STOML3: variants seen among roughly 807,000 people sequenced by gnomAD.
The protein encoded by STOML3 is stomatin like 3.
A neutral mutation model predicts 29.5 loss-of-function variants in STOML3; 31 were observed. The ratio of observed to expected loss-of-function variants is 1.05; its 90% CI spans 0.79 to 1.42. The LOEUF is 1.42. Ranked by LOEUF, STOML3 falls within the 40% of genes most tolerant of loss-of-function variation. The pLI is 0.00. For synonymous variants in STOML3, 122 were observed against 139.8 expected, an observed-to-expected ratio of 0.87 and a Z score of 0.90; for missense variants, 380 against 363.0, an observed-to-expected ratio of 1.05 and a Z score of -0.38.
chr13:38,976,899 A>T (rs1451506455), intron 1 of STOML3, 102 bp from the exon 2 acceptor site: 4 of 916,946 alleles, frequency 4.4e-6, no homozygotes, highest in Non-Finnish European at 7.0e-6. Flanking sequence ...GCCAAGCCTG[A>T]TGTGGCTGCA....
At chr13:38,977,750 ATTTTTTTT>A (rs397851686) in intron 1 of STOML3, among the ~76,000 whole-genome samples, 25 of 84,234 alleles carry the variant, frequency 3.0e-4, no homozygotes, top group Non-Finnish European at 5.3e-4. Flanking sequence ...AAGTCTCCGG[ATTTTTTTT>A]TTTTTTTTTT....
At chr13:38,980,927 G>T (rs1881247955) in intron 1 of STOML3, among the ~76,000 whole-genome samples, 1 of 152,208 alleles carries the variant, frequency 6.6e-6, no homozygotes, top group African/African-American at 2.4e-5. Flanking sequence ...TAGGAAGTCT[G>T]CAGCTGGTGA....
At chr13:38,968,685 A>G (rs1028942153) in intron 5 of STOML3, 151 bp from the exon 6 acceptor site, 5 of 890,628 alleles carry the variant, frequency 5.6e-6, no homozygotes, top group African/African-American at 5.1e-5. Flanking sequence ...TAGGAAGAGA[A>G]TAAGAGTTAA....
chr13:38,989,671 A>AT (rs200652812), intron 1 of STOML3, among the ~76,000 whole-genome samples: 1,566 of 151,880 alleles, frequency 0.01, 28 homozygotes, highest in African/African-American at 0.036. Flanking sequence ...TAAATTTTGT[A>AT]TTTTTTGTAG....
Position 38,967,020 on chromosome 13 carries a change from AG to A in STOML3, c.680del (p.Ala227ValfsTer5), listed in dbSNP as rs1310204766. 1.9e-6 allele frequency: 3 copies of A among 1,614,082 alleles called. No individual in the cohort carries two copies. The South Asian group carries it at 3.3e-5, about 18-fold the overall frequency. On this transcript the variant is annotated frameshift_variant, in exon 7 of 7. Coordinates refer to ENST00000379631, the MANE Select transcript of STOML3 (RefSeq NM_145286.3). LOFTEE classifies it high-confidence loss of function. ...TGGAGGCTGACTTCAGGGATTTGGA[AG>A]CATTCATTTCTCCTTCAGCTGCAAG... ...KVLAAEGEMN[A>X]SKSLKSASMV...
intron 5 of STOML3, among the ~76,000 whole-genome samples, chr13:38,969,078 A>AGGACCC (rs1566202969): frequency 6.6e-6 from 1 of 152,172 alleles, no homozygotes; most frequent in Admixed American, 6.5e-5. Context: ...CAATGACTCA[A>AGGACCC]TGCATATTAT....
At chr13:38,969,915 G>A (rs553896051) in intron 5 of STOML3, among the ~76,000 whole-genome samples, 6 of 152,198 alleles carry the variant, frequency 3.9e-5, no homozygotes, top group East Asian at 1.9e-4. Context: ...CTTGTAAGAC[G>A]TTAATTCATA....
At chr13:38,972,454 C>T in intron 4 of STOML3, 58 bp downstream of exon 4, 1 of 1,528,586 alleles carries the variant, frequency 6.5e-7, no homozygotes, top group Non-Finnish European at 9.0e-7. Flanking sequence ...TGTAATTGTC[C>T]TTATAATAGA....
chr13:38,970,490 T>C (rs1384678637), intron 4 of STOML3, 102 bp from the exon 5 acceptor site: 3 of 922,202 alleles, frequency 3.3e-6, no homozygotes, highest in Non-Finnish European at 5.1e-6. Flanking sequence ...AGGAGAGCAG[T>C]AACGACAACT....
intron 3 of STOML3, 140 bp from the exon 4 acceptor site, chr13:38,972,734 G>A (rs1469183932): frequency 4.4e-6 from 3 of 681,050 alleles, no homozygotes; most frequent in Non-Finnish European, 7.3e-6. Context: ...GAAACTCTGA[G>A]GAAAATGATT....
chr13:38,985,765 A>G (rs1484085064), intron 1 of STOML3, among the ~76,000 whole-genome samples: 2 of 151,978 alleles, frequency 1.3e-5, no homozygotes, highest in African/African-American at 4.8e-5. Flanking sequence ...GTATGATGTT[A>G]GAAGAAACAA....
At chr13:38,969,884 A>C (rs1439764447) in intron 5 of STOML3, among the ~76,000 whole-genome samples, 3 of 152,188 alleles carry the variant, frequency 2.0e-5, no homozygotes, top group Non-Finnish European at 4.4e-5. Flanking sequence ...CTGATCTCTA[A>C]CTTCTTCAAA....
intron 1 of STOML3, among the ~76,000 whole-genome samples, chr13:38,986,441 G>GA (rs1248569628): frequency 6.6e-6 from 1 of 152,134 alleles, no homozygotes; most frequent in East Asian, 1.9e-4. Context: ...CTTCCCAGAG[G>GA]AAAAATTAGA....
At chr13:38,972,397 T>C (rs931143973) in intron 4 of STOML3, 115 bp downstream of exon 4, 2 of 957,690 alleles carry the variant, frequency 2.1e-6, no homozygotes, top group Non-Finnish European at 1.6e-6. Context: ...TCTCTGCGGG[T>C]ACTCAGCTCA....
chr13:38,979,960 C>T (rs1465409230), intron 1 of STOML3: 17 of 1,301,704 alleles, frequency 1.3e-5, no homozygotes, highest in Non-Finnish European at 1.6e-5. Flanking sequence ...GTGCTTAATG[C>T]CTGGAGCCAA....
rs1389715896 is a variant in STOML3 at position 38,970,367 on chromosome 13, T to C, written c.334A>G (p.Thr112Ala). The change falls in exon 5 of 7, where the codon ACT (threonine) becomes GCT (alanine). Residue 112 changes from threonine (T) to alanine (A), a missense_variant. Physicochemically the swap from Thr to Ala is moderately conservative, Grantham distance 58 (BLOSUM62 0). Coordinates refer to ENST00000379631, the MANE Select transcript of STOML3 (RefSeq NM_145286.3). ...TAGACAACTCCATCTACCTGAGTAG[T>C]TACGGAGTCTCTGGTGAGGATCTGT... ...PQEILTRDSVTTQVDGVVYYR... is the reference protein window; with the variant it reads ...PQEILTRDSVATQVDGVVYYR... 3.7e-6 allele frequency: 6 copies of C among 1,613,974 alleles called. No individual in the cohort carries two copies. Among genetic ancestry groups the C allele is most frequent in the Non-Finnish European group, 3.4e-6 (4 of 1,179,988 alleles).
At position 38,976,534 on chromosome 13, in the gene STOML3, T is replaced by C. The variant is rs1255099690; in HGVS notation, c.229+6A>G. 6.2e-7 allele frequency: 1 copy of C among 1,614,124 alleles called. No homozygotes were observed. Among genetic ancestry groups the C allele is most frequent in the Non-Finnish European group, 8.5e-7 (1 of 1,180,014 alleles). On this transcript the variant is annotated splice_donor_region_variant and intron_variant, in intron 3 of 6. Transcript: ENST00000379631. Reference sequence around the variant, plus strand: ...CTTTCAGGGGCAGCCACCGCGTCATTCATACCTGGCCCCTTGGCTTTGTCA... The same window carrying C: ...CTTTCAGGGGCAGCCACCGCGTCATCCATACCTGGCCCCTTGGCTTTGTCA...
chr13:38,966,752 G>T lies in STOML3; in HGVS notation c.*73C>A. ...CATGAACAGTGTTGGAATTCTCACC[G>T]TTTCTAACTACTGGCTTCTCCATAG... On this transcript the variant is annotated 3_prime_UTR_variant, in exon 7 of 7. Coordinates refer to ENST00000379631, the MANE Select transcript of STOML3 (RefSeq NM_145286.3). 1 of 1,270,550 alleles carries T rather than the reference G, an allele frequency of 7.9e-7. No individual in the cohort carries two copies. Among genetic ancestry groups the T allele is most frequent in the Non-Finnish European group, 1.1e-6 (1 of 885,344 alleles). 78.7% of individuals were successfully genotyped at this position (1,270,550 alleles called of 1,614,324 possible). A position where few individuals can be genotyped will look rare whatever the true frequency, so the allele number is the denominator to read the frequency against.
At chr13:38,984,350 C>A (rs554294943) in intron 1 of STOML3, among the ~76,000 whole-genome samples, 3 of 152,288 alleles carry the variant, frequency 2.0e-5, no homozygotes, top group Non-Finnish European at 4.4e-5. Flanking sequence ...GGCCTCAGCT[C>A]AAACATCCCC....
Sources: allele counts gnomAD v4.1 joint callset (sites outside exome capture counted in the v4.1 genomes callset), GRCh38; gene constraint gnomAD v4.1.1; transcripts MANE v1.5; gene names NCBI Gene and HGNC (gene_info 2026-07-23, HGNC 2026-07-21).